The following SPIDR variants were observed in gnomAD, a reference collection of about 807,000 sequenced individuals.
SPIDR encodes DNA repair-scaffolding protein.
In SPIDR, 93 loss-of-function variants were observed where a neutral mutation model predicts 104.6. The observed-to-expected ratio is 0.89, with a 90% CI of 0.75 to 1.06. SPIDR has a LOEUF of 1.06. Ranked by LOEUF, SPIDR falls within the 50% of genes least tolerant of loss-of-function variation. The pLI is 0.00. For synonymous variants in SPIDR, 431 were observed against 416.9 expected (o/e 1.03, Z -0.41); for missense variants, 1,154 against 1,111.2 (o/e 1.04, Z -0.55).
chr8:47,363,841 G>GTT (rs1419947330), intron 5 of SPIDR, among the ~76,000 whole-genome samples: 6 of 142,354 alleles, frequency 4.2e-5, no homozygotes, highest in East Asian at 2.0e-4. Flanking sequence ...TGTTCTGTAG[G>GTT]TTTTTTTTTT....
chr8:47,372,932 G>A (rs1312332869), intron 5 of SPIDR, among the ~76,000 whole-genome samples: 2 of 152,134 alleles, frequency 1.3e-5, no homozygotes, highest in African/African-American at 2.4e-5. Context: ...AGAACACTAT[G>A]CCTGAAATTC....
chr8:47,611,162 ATGT>A (rs1446257994), intron 10 of SPIDR, among the ~76,000 whole-genome samples: 1 of 152,170 alleles, frequency 6.6e-6, no homozygotes, highest in East Asian at 1.9e-4. Context: ...TGTGCTACAA[ATGT>A]TGTTGTTTGT....
chr8:47,711,459 G>A (rs2154488040), intron 14 of SPIDR, among the ~76,000 whole-genome samples: 1 of 151,856 alleles, frequency 6.6e-6, no homozygotes. Flanking sequence ...GAGCTCAAGC[G>A]ATGCCCTCAC....
chr8:47,509,952 A>G (rs2082064407), intron 8 of SPIDR, among the ~76,000 whole-genome samples: 1 of 152,120 alleles, frequency 6.6e-6, no homozygotes, highest in South Asian at 2.1e-4. Context: ...CTTAACACAC[A>G]TCTGTACACC....
intron 8 of SPIDR, among the ~76,000 whole-genome samples, chr8:47,450,806 G>A (rs1040209581): frequency 1.3e-5 from 2 of 152,172 alleles, no homozygotes; most frequent in African/African-American, 4.8e-5. Context: ...AACCTGGAAG[G>A]AACCACATGA....
At chr8:47,272,446 G>A (rs2035531382) in intron 1 of SPIDR, among the ~76,000 whole-genome samples, 1 of 152,178 alleles carries the variant, frequency 6.6e-6, no homozygotes, top group Non-Finnish European at 1.5e-5. Context: ...CCTGTCGTGT[G>A]TAGCTAATGA....
intron 8 of SPIDR, among the ~76,000 whole-genome samples, chr8:47,492,283 CATA>C (rs1458105506): frequency 6.6e-6 from 1 of 152,162 alleles, no homozygotes. Flanking sequence ...TGCACCTACA[CATA>C]ATTTTATTCT....
At chr8:47,499,245 T>G (rs1209083256) in intron 8 of SPIDR, among the ~76,000 whole-genome samples, 1 of 152,192 alleles carries the variant, frequency 6.6e-6, no homozygotes, top group Non-Finnish European at 1.5e-5. Context: ...TGCACTGACA[T>G]GTAACTAATG....
In SPIDR at chr8:47,702,095, TCTTACACA is replaced by T. The variant is rs768018008; in HGVS notation, c.1977+82_1977+89del. 1.5e-3 allele frequency: 114 copies of T among 74,266 alleles called. 4 individuals carry two copies. Among genetic ancestry groups the T allele is most frequent in the African/African-American group, 5.1e-3 (87 of 17,044 alleles). The allele number at this position is 74,266 out of a possible 1,614,324, so 4.6% of individuals were successfully genotyped here. ...CTCTCTCTCTCTCTCTCTCTCTCTC[TCTTACACA>T]CACACACACACACACACACACACAC... On this transcript the variant is annotated intron_variant, in intron 14 of 19. Coordinates refer to ENST00000297423, the MANE Select transcript of SPIDR (RefSeq NM_001080394.4).
chr8:47,463,786 A>G (rs2074332775), intron 8 of SPIDR, among the ~76,000 whole-genome samples: 1 of 152,232 alleles, frequency 6.6e-6, no homozygotes, highest in Non-Finnish European at 1.5e-5. Flanking sequence ...TAATTGATGC[A>G]GGAAAAGCAT....
intron 1 of SPIDR, among the ~76,000 whole-genome samples, chr8:47,266,365 A>G (rs2034041676): frequency 6.6e-6 from 1 of 152,068 alleles, no homozygotes; most frequent in Admixed American, 6.6e-5. Flanking sequence ...TCCTGAGCTC[A>G]GGCAATGCAA....
Position 47,407,781 on chromosome 8 carries a change from G to C in SPIDR, c.777-80G>C, listed in dbSNP as rs1043395133. On this transcript the variant is annotated intron_variant, in intron 6 of 19. Coordinates refer to ENST00000297423, the MANE Select transcript of SPIDR (RefSeq NM_001080394.4). ...GTTTTATCTGTTTGTCTCTGGTTGG[G>C]GGGTATACAATATAAATGTTCCAGT... The C allele has an allele frequency of 1.1e-5, 8 of 750,794 alleles. No individual in the cohort carries two copies. The South Asian group carries it at 1.7e-4, about 16-fold the overall frequency. 46.5% of individuals were successfully genotyped at this position (750,794 alleles called of 1,614,324 possible).
chr8:47,452,499 A>G (rs191527106), intron 8 of SPIDR, among the ~76,000 whole-genome samples: 25 of 152,306 alleles, frequency 1.6e-4, no homozygotes, highest in African/African-American at 3.8e-4. Context: ...CAGCACATCA[A>G]AAAGCTTATC....
At chr8:47,516,500 G>C (rs1235295674) in intron 8 of SPIDR, among the ~76,000 whole-genome samples, 1 of 151,976 alleles carries the variant, frequency 6.6e-6, no homozygotes, top group African/African-American at 2.4e-5. Flanking sequence ...ACCTATTCTA[G>C]GTAACTCTTA....
intron 1 of SPIDR, among the ~76,000 whole-genome samples, chr8:47,276,582 A>G (rs2036473250): frequency 6.6e-6 from 1 of 152,264 alleles, no homozygotes; most frequent in Non-Finnish European, 1.5e-5. Flanking sequence ...ACTGAAGAAA[A>G]AAATAATCAA....
intron 6 of SPIDR, among the ~76,000 whole-genome samples, chr8:47,407,616 T>C (rs1023210497): frequency 6.6e-6 from 1 of 152,202 alleles, no homozygotes; most frequent in Non-Finnish European, 1.5e-5. Context: ...TTTCCAAGAA[T>C]GTGATGTTTT....
chr8:47,599,037 G>A lies in SPIDR; in HGVS notation c.1385G>A (p.Arg462Lys). The A allele has an allele frequency of 6.2e-7, 1 of 1,613,134 alleles. No individual in the cohort carries two copies. The highest frequency in any genetic ancestry group is 8.5e-7 in the Non-Finnish European group (1 of 1,179,546). Reference protein sequence around the residue: ...KQRIPTSTPLRDSLLDVVESQ... With the variant: ...KQRIPTSTPLKDSLLDVVESQ... ...CGCATCCCAACCAGCACTCCCCTGAGGGATTCTCTCCTGGATGTGGTGGAA... is the reference window on the plus strand; with the variant it reads ...CGCATCCCAACCAGCACTCCCCTGAAGGATTCTCTCCTGGATGTGGTGGAA... The change falls in exon 10 of 20, where the codon AGG becomes AAG. Residue 462 changes from arginine (R) to lysine (K), a missense_variant. Transcript: ENST00000297423.
At chr8:47,543,599 C>G (rs2088671987) in intron 8 of SPIDR, among the ~76,000 whole-genome samples, 1 of 152,110 alleles carries the variant, frequency 6.6e-6, no homozygotes, top group Non-Finnish European at 1.5e-5. Context: ...TCAAATTTAG[C>G]TATAGAAGGA....
At chr8:47,473,691 G>A (rs1554722237) in intron 8 of SPIDR, among the ~76,000 whole-genome samples, 1 of 152,178 alleles carries the variant, frequency 6.6e-6, no homozygotes, top group African/African-American at 2.4e-5. Context: ...CTTCTGGAGT[G>A]CAGGCAAGTA....
Sources: gnomAD v4.1 joint callset for allele counts (sites outside exome capture counted in the v4.1 genomes callset) on GRCh38, gnomAD v4.1.1 for gene constraint, MANE v1.5 for transcripts, NCBI Gene and HGNC (gene_info 2026-07-23, HGNC 2026-07-21) for gene names.